The following OGA variants were observed in gnomAD, a reference collection of about 807,000 sequenced individuals.
The protein encoded by OGA is O-GlcNAcase.
Under a neutral mutation model 102.0 loss-of-function variants are expected in OGA, and 21 were observed. That is an observed-to-expected ratio of 0.21 (90% CI 0.15 to 0.30). OGA has a LOEUF of 0.30. OGA is among the 10% of genes least tolerant of loss of function. OGA has a pLI of 1.00. For missense variants in OGA, 765 were observed against 1,107.8 expected (o/e 0.69, Z 4.39); for synonymous variants, 408 against 378.2 (o/e 1.08, Z -0.91).
In OGA at chr10:101,786,405, A is replaced by G; in HGVS notation, c.*46T>C. 6.6e-7 allele frequency: 1 copy of G among 1,514,468 alleles called. No individual in the cohort carries two copies. The highest frequency in any genetic ancestry group is 8.8e-7 in the Non-Finnish European group (1 of 1,133,462). 93.8% of individuals were successfully genotyped at this position (1,514,468 alleles called of 1,614,324 possible). On this transcript the variant is annotated 3_prime_UTR_variant, in exon 16 of 16. Coordinates refer to ENST00000361464, the MANE Select transcript of OGA (RefSeq NM_012215.5). ...ATGAAGACCTCAACTACCATTCACA[A>G]GGTGCAGTTAAGAGACTTTTGGACA...
rs764237378 is a variant in OGA at position 101,802,978 on chromosome 10, TAAAAAAAAAA to T, written c.1036+747_1036+756del. 2.9e-4 allele frequency among the ~76,000 whole-genome samples: 20 copies of T among 68,598 alleles called. No homozygotes were observed. The South Asian group carries it at 8.0e-3, about 27-fold the overall frequency. The allele number at this position is 68,598 out of a possible 152,430, so 45.0% of individuals were successfully genotyped here. A position where few individuals can be genotyped will look rare whatever the true frequency, so the allele number is the denominator to read the frequency against. ...AGATGGTGAAACCCTGTCTCTACTT[TAAAAAAAAAA>T]AAAAAAAAAAAAAAAAGCCGGGTGT... On this transcript the variant is annotated intron_variant, in intron 7 of 15. Coordinates refer to ENST00000361464, the MANE Select transcript of OGA (RefSeq NM_012215.5).
chr10:101,787,054 T>TA (rs1201805225), intron 15 of OGA, among the ~76,000 whole-genome samples: 1 of 150,156 alleles, frequency 6.7e-6, no homozygotes, highest in African/African-American at 2.4e-5. Flanking sequence ...TTTTTTTTTT[T>TA]AAATTAGGTA....
In OGA at chr10:101,818,398, G is replaced by C. The variant is rs1035510116; in HGVS notation, c.-376C>G. On this transcript the variant is annotated 5_prime_UTR_variant, in exon 1 of 16. Coordinates refer to ENST00000361464, the MANE Select transcript of OGA (RefSeq NM_012215.5). ...CCGCTGTTTCCCCTCCAAGCCCCGA[G>C]CTCTCCCTCTGCTGCTGCCTCCACC... 9.7e-7 allele frequency: 1 copy of C among 1,027,824 alleles called. No individual in the cohort carries two copies. Among genetic ancestry groups the C allele is most frequent in the Non-Finnish European group, 1.2e-6 (1 of 856,730 alleles). 63.7% of individuals were successfully genotyped at this position (1,027,824 alleles called of 1,614,324 possible).
chr10:101,812,780 C>T, intron 3 of OGA: 1 of 575,170 alleles, frequency 1.7e-6, no homozygotes, highest in Non-Finnish European at 3.3e-6. Context: ...CAGAAGTAAG[C>T]AGCACAATCT....
chr10:101,792,828 G>A lies in OGA; in HGVS notation c.2175+11C>T. 1.3e-6 allele frequency: 2 copies of A among 1,562,258 alleles called. No individual in the cohort carries two copies. The highest frequency in any genetic ancestry group is 1.8e-6 in the Non-Finnish European group (2 of 1,132,912). On this transcript the variant is annotated intron_variant, in intron 12 of 15. Transcript: ENST00000361464. ...CCCATACACCAAGTTGGTAGGTAGA[G>A]AGACAATTACCTCATCCTTAGGAAA... is the stretch of plus-strand genomic sequence containing the variant.
In OGA at chr10:101,803,961, AAT is replaced by A; in HGVS notation, c.808_809del (p.Ile270TyrfsTer2). On this transcript the variant is annotated frameshift_variant, in exon 7 of 16. Transcript: ENST00000361464. LOFTEE classifies it high-confidence loss of function. Reference sequence around the variant, plus strand: ...CCCAGATTACTGGAGCTCTCTTAATAATCTTAGAAACCTCTTCGATGGACTCT... The same window carrying A: ...CCCAGATTACTGGAGCTCTCTTAATACTTAGAAACCTCTTCGATGGACTCT... ...PVESIEEVSK[I>X]IKRAPVIWDN... The A allele has an allele frequency of 6.2e-7, 1 of 1,614,062 alleles. No individual in the cohort carries two copies.
rs1478402498 is a variant in OGA at position 101,813,595 on chromosome 10, T to C, written c.211A>G (p.Arg71Gly). 1.9e-6 allele frequency: 3 copies of C among 1,555,484 alleles called. No individual in the cohort carries two copies. The highest frequency in any genetic ancestry group is 2.6e-6 in the Non-Finnish European group (3 of 1,134,504). Residue 71 changes from arginine (R) to glycine (G), a missense_variant, in exon 2 of 16, where the codon AGA becomes GGA. Around this residue, in one of 7 missense-constraint regions of OGA, gnomAD observed 165 missense variants for 249.7 expected, o/e 0.66. Transcript: ENST00000361464. ...LCGVVEGFYG[R>G]PWVMEQRKEL... ...TTTCTCTGTTCCATAACCCAAGGTC[T>C]TCCATAAAATCCTAGATTCAAAGTA...
At position 101,795,879 on chromosome 10, in the gene OGA, G is replaced by C. The variant is rs905593210; in HGVS notation, c.1985-1881C>G. 3.1e-6 allele frequency: 3 copies of C among 975,724 alleles called. No homozygotes were observed. The African/African-American group carries it at 5.3e-5, about 17-fold the overall frequency. The allele number at this position is 975,724 out of a possible 1,614,324, so 60.4% of individuals were successfully genotyped here. On this transcript the variant is annotated intron_variant, in intron 10 of 15. Transcript: ENST00000361464. ...CAAACTTGTGTTGAGCCACAGGCTG[G>C]ACAAGCTTGCTGTAAGAGCTTGAGA...
chr10:101,785,107 C>G lies in OGA; in HGVS notation c.*1344G>C, dbSNP rs930959094. 9.2e-5 allele frequency: 14 copies of G among 152,136 alleles called. No individual in the cohort carries two copies. The highest frequency in any genetic ancestry group is 3.4e-4 in the African/African-American group (14 of 41,414). The allele number at this position is 152,136 out of a possible 1,614,324, so 9.4% of individuals were successfully genotyped here. A position where few individuals can be genotyped will look rare whatever the true frequency, so the allele number is the denominator to read the frequency against. On this transcript the variant is annotated 3_prime_UTR_variant, in exon 16 of 16. Transcript: ENST00000361464. The stretch of plus-strand genomic sequence containing the variant: ...TCAGCTCAAAGTTAAACAGCTGATG[C>G]AAAACTACAGAGAAGCAAGATAACA...
intron 5 of OGA, among the ~76,000 whole-genome samples, chr10:101,807,080 A>C (rs1044182409): frequency 6.6e-6 from 1 of 152,224 alleles, no homozygotes; most frequent in Non-Finnish European, 1.5e-5. Flanking sequence ...TATAATCTTA[A>C]AACTTCTGGG....
chr10:101,812,336 G>A (rs1355377923), intron 3 of OGA, among the ~76,000 whole-genome samples: 2 of 152,068 alleles, frequency 1.3e-5, no homozygotes, highest in African/African-American at 2.4e-5. Context: ...GAACTCGGGA[G>A]GGCGAGGTTT....
chr10:101,795,634 A>G (rs1419415132), intron 10 of OGA, among the ~76,000 whole-genome samples: 1 of 152,204 alleles, frequency 6.6e-6, no homozygotes, highest in African/African-American at 2.4e-5. Context: ...CTACAGAACC[A>G]AGAAAATACT....
intron 13 of OGA, 28 bp downstream of exon 13, chr10:101,791,326 C>T: frequency 2.5e-6 from 4 of 1,569,118 alleles, no homozygotes; most frequent in Non-Finnish European, 3.5e-6. Context: ...GAAAGGTCTA[C>T]TCTCAAATCC....
rs543382294 is a variant in OGA at position 101,799,282 on chromosome 10, T to C, written c.1369A>G (p.Lys457Glu). Reference protein sequence around the residue: ...EPTTLTKEEEKKQPDEEPMDM... With the variant: ...EPTTLTKEEEEKQPDEEPMDM... ...ATGGGTTCTTCATCAGGCTGTTTCTTTTCTTCTTCCTTGGTCAGAGTAGTA... is the reference window on the plus strand; with the variant it reads ...ATGGGTTCTTCATCAGGCTGTTTCTCTTCTTCTTCCTTGGTCAGAGTAGTA... Residue 457 changes from lysine to glutamate, a missense_variant, in exon 9 of 16, where the codon AAG (lysine) becomes GAG (glutamate). By Grantham distance (56) the Lys-to-Glu change is moderately conservative. This residue lies in a region of OGA where 281 missense variants were observed against 345.8 expected (regional missense o/e 0.81). Transcript: ENST00000361464. 10 of 1,614,182 alleles carry C rather than the reference T, an allele frequency of 6.2e-6. No homozygotes were observed. Among genetic ancestry groups the C allele is most frequent in the Non-Finnish European group, 8.5e-6 (10 of 1,180,034 alleles).
chr10:101,786,398 A>AT lies in OGA; in HGVS notation c.*52dup. On this transcript the variant is annotated 3_prime_UTR_variant, in exon 16 of 16. Coordinates refer to ENST00000361464, the MANE Select transcript of OGA (RefSeq NM_012215.5). ...GAACTGTATGAAGACCTCAACTACC[A>AT]TTCACAAGGTGCAGTTAAGAGACTT... The AT allele has an allele frequency of 6.6e-7, 1 of 1,504,704 alleles. No individual in the cohort carries two copies. Among genetic ancestry groups the AT allele is most frequent in the Non-Finnish European group, 8.9e-7 (1 of 1,127,536 alleles). The allele number at this position is 1,504,704 out of a possible 1,614,324, so 93.2% of individuals were successfully genotyped here. A position where few individuals can be genotyped will look rare whatever the true frequency, so the allele number is the denominator to read the frequency against.
chr10:101,812,778 A>G (rs139866415), intron 3 of OGA: 1 of 572,008 alleles, frequency 1.7e-6, no homozygotes, highest in African/African-American at 1.8e-5. Flanking sequence ...GGCAGAAGTA[A>G]GCAGCACAAT....
rs771586698 is a variant in OGA, at chr10:101,803,808, G to A, written c.963C>T (p.Asn321=). The A allele has an allele frequency of 6.2e-7, 1 of 1,614,138 alleles. No homozygotes were observed. Among genetic ancestry groups the A allele is most frequent in the Non-Finnish European group, 8.5e-7 (1 of 1,179,984 alleles). ...TGGCAAGGGTGTGGATAGCAACGTA[G>A]TTGGCTTCAAATTCACAATTTGGAT... ...LTNPNCEFEA[N]YVAIHTLATW... Residue 321 remains asparagine (N), a synonymous_variant, in exon 7 of 16, where the codon AAC becomes AAT. Coordinates refer to ENST00000361464, the MANE Select transcript of OGA (RefSeq NM_012215.5).
At chr10:101,807,386 G>A (rs2065490643) in intron 5 of OGA, among the ~76,000 whole-genome samples, 1 of 152,180 alleles carries the variant, frequency 6.6e-6, no homozygotes, top group Non-Finnish European at 1.5e-5. Context: ...GGCAGAAAAA[G>A]GGGACAAGTA....
At chr10:101,793,837 A>C in intron 11 of OGA, 76 bp downstream of exon 11, 1 of 1,082,394 alleles carries the variant, frequency 9.2e-7, no homozygotes, top group South Asian at 1.4e-5. Context: ...CAATCCTTCC[A>C]GCCATCTGAT....
Sources: allele counts gnomAD v4.1 joint callset (sites outside exome capture counted in the v4.1 genomes callset), GRCh38; gene constraint gnomAD v4.1.1; regional missense constraint gnomAD v4.1.1; transcripts MANE v1.5; gene names NCBI Gene and HGNC (gene_info 2026-07-23, HGNC 2026-07-21).